The following CSMD1 variants were observed in gnomAD, a reference collection of about 807,000 sequenced individuals.
CSMD1 encodes the protein CUB and sushi domain-containing protein 1.
In CSMD1, 213 loss-of-function variants were observed where a neutral mutation model predicts 417.5. The ratio of observed to expected loss-of-function variants is 0.51; its 90% confidence interval spans 0.46 to 0.57. The LOEUF (loss-of-function observed/expected upper bound fraction) is 0.57. Among genes scored for constraint, CSMD1 ranks in the 20% least tolerant of loss-of-function variants. The pLI, the probability that CSMD1 is intolerant of heterozygous loss-of-function variation, is 0.00. For missense variants in CSMD1, 6,923 were observed against 4,529.7 expected (o/e 1.53, Z -15.17); for synonymous variants, 2,862 against 1,736.8 (o/e 1.65, Z -16.11).
chr8:3,498,770 G>C (rs746624267), intron 10 of CSMD1, among the ~76,000 whole-genome samples: 9 of 151,964 alleles, frequency 5.9e-5, no homozygotes, highest in Non-Finnish European at 1.0e-4. Context: ...TCTTGATCTA[G>C]TCTGTTGTTG....
intron 3 of CSMD1, among the ~76,000 whole-genome samples, chr8:4,066,484 T>C (rs1467471729): frequency 6.6e-6 from 1 of 152,226 alleles, no homozygotes; most frequent in Non-Finnish European, 1.5e-5. Flanking sequence ...AAGCATTAAT[T>C]AATCTATTGA....
At chr8:3,646,861 T>A (rs1797600864) in intron 7 of CSMD1, among the ~76,000 whole-genome samples, 1 of 152,152 alleles carries the variant, frequency 6.6e-6, no homozygotes, top group Admixed American at 6.5e-5. Flanking sequence ...TCTGGCTGAA[T>A]TTGGGTCACA....
intron 5 of CSMD1, among the ~76,000 whole-genome samples, chr8:3,963,686 TATAC>T (rs1188752783): frequency 5.9e-5 from 9 of 152,194 alleles, no homozygotes; most frequent in African/African-American, 2.2e-4. Context: ...TGTAAGTGAA[TATAC>T]ATAGATTTCA....
intron 50 of CSMD1, among the ~76,000 whole-genome samples, chr8:3,043,314 T>C (rs895538256): frequency 6.6e-6 from 1 of 151,780 alleles, no homozygotes; most frequent in Non-Finnish European, 1.5e-5. Flanking sequence ...ACTATGGTGA[T>C]ATATATAGTA....
At chr8:3,166,394 C>T (rs921482865) in intron 37 of CSMD1, among the ~76,000 whole-genome samples, 3 of 151,946 alleles carry the variant, frequency 2.0e-5, no homozygotes, top group Non-Finnish European at 4.4e-5. Flanking sequence ...AGTACCCGGG[C>T]GTGGTGGTGT....
chr8:3,230,308 TG>T, intron 26 of CSMD1, 77 bp from the exon 27 acceptor site: 1 of 1,215,300 alleles, frequency 8.2e-7, no homozygotes, highest in Non-Finnish European at 1.1e-6. Context: ...GTTGTTCTTG[TG>T]GGTTGAAGCA....
At chr8:4,083,072 C>A (rs965133594) in intron 3 of CSMD1, among the ~76,000 whole-genome samples, 2 of 151,954 alleles carry the variant, frequency 1.3e-5, no homozygotes, top group African/African-American at 4.8e-5. Flanking sequence ...CCACAATAAA[C>A]ATACATGTGC....
intron 5 of CSMD1, among the ~76,000 whole-genome samples, chr8:3,918,179 A>T (rs1392101628): frequency 1.3e-5 from 2 of 152,092 alleles, no homozygotes; most frequent in Non-Finnish European, 1.5e-5. Flanking sequence ...TGTGTTCAAA[A>T]TCCTGATTTC....
At chr8:4,310,600 T>A (rs1798506841) in intron 3 of CSMD1, among the ~76,000 whole-genome samples, 1 of 152,194 alleles carries the variant, frequency 6.6e-6, no homozygotes, top group African/African-American at 2.4e-5. Context: ...CTCTCGATGA[T>A]GTTAAATCAA....
At chr8:3,204,698 T>C (rs1396862735) in intron 31 of CSMD1, among the ~76,000 whole-genome samples, 1 of 152,212 alleles carries the variant, frequency 6.6e-6, no homozygotes, top group Non-Finnish European at 1.5e-5. Flanking sequence ...CAAATACGTC[T>C]AACATTAGAA....
chr8:3,466,473 G>C (rs185146459), intron 12 of CSMD1, among the ~76,000 whole-genome samples: 1 of 151,576 alleles, frequency 6.6e-6, no homozygotes, highest in African/African-American at 2.4e-5. Context: ...GCAGTGGCAC[G>C]ATCTTGGCTC....
At chr8:4,327,632 A>G (rs1213165364) in intron 3 of CSMD1, among the ~76,000 whole-genome samples, 4 of 152,208 alleles carry the variant, frequency 2.6e-5, no homozygotes, top group African/African-American at 9.6e-5. Flanking sequence ...CCCAAAAACA[A>G]CAACAACAAA....
chr8:4,240,470 A>G (rs79958579), intron 3 of CSMD1, among the ~76,000 whole-genome samples: 4,218 of 152,334 alleles, frequency 0.028, 141 homozygotes, highest in African/African-American at 0.079. Context: ...TCAGATAACA[A>G]TCTAAAATAA....
At chr8:4,688,825 G>A (rs529257993) in intron 1 of CSMD1, among the ~76,000 whole-genome samples, 3 of 152,314 alleles carry the variant, frequency 2.0e-5, no homozygotes, top group East Asian at 3.9e-4. Flanking sequence ...ATCGCAAGTG[G>A]TCTGATGTGA....
chr8:4,298,831 A>T (rs1797826074), intron 3 of CSMD1, among the ~76,000 whole-genome samples: 1 of 152,192 alleles, frequency 6.6e-6, no homozygotes, highest in East Asian at 1.9e-4. Context: ...CTTAAAGTAT[A>T]ATAAAAAATT....
At chr8:3,179,115 C>T (rs28633536) in intron 37 of CSMD1, among the ~76,000 whole-genome samples, 31,115 of 148,400 alleles carry the variant, frequency 0.21, 3,753 homozygotes, top group African/African-American at 0.3. Flanking sequence ...CTGGCTAATT[C>T]TTTGTATTTT....
intron 5 of CSMD1, among the ~76,000 whole-genome samples, chr8:3,851,287 T>A (rs1340611568): frequency 6.6e-6 from 1 of 152,238 alleles, no homozygotes; most frequent in Non-Finnish European, 1.5e-5. Flanking sequence ...CTTTAGGGAC[T>A]GGTCTTTTCA....
At chr8:3,610,215 C>T (rs977977492) in intron 8 of CSMD1, among the ~76,000 whole-genome samples, 1 of 152,030 alleles carries the variant, frequency 6.6e-6, no homozygotes, top group African/African-American at 2.4e-5. Flanking sequence ...TTTACTATCC[C>T]ATGGAACATA....
At chr8:3,308,940 G>C (rs1239795790) in intron 23 of CSMD1, among the ~76,000 whole-genome samples, 1 of 151,896 alleles carries the variant, frequency 6.6e-6, no homozygotes, top group Non-Finnish European at 1.5e-5. Context: ...GGCCAGGCTG[G>C]TCTCGAATAC....
Sources: gnomAD v4.1 joint callset for allele counts (sites outside exome capture counted in the v4.1 genomes callset) on GRCh38, gnomAD v4.1.1 for gene constraint, MANE v1.5 for transcripts, NCBI Gene and HGNC (gene_info 2026-07-23, HGNC 2026-07-21) for gene names.